WDR7: variants seen among roughly 807,000 people sequenced by gnomAD.
WDR7 encodes the protein WD repeat-containing protein 7.
A neutral mutation model predicts 169.4 loss-of-function variants in WDR7; 46 were observed. The observed-to-expected ratio is 0.27, with a 90% CI of 0.21 to 0.35. The LOEUF (loss-of-function observed/expected upper bound fraction) is 0.35. WDR7 is among the 10% of genes least tolerant of loss of function. The pLI is 1.00. For missense variants in WDR7, 1,534 were observed against 1,859.3 expected (o/e 0.83, Z 3.22); for synonymous variants, 612 against 666.8 (o/e 0.92, Z 1.27).
At chr18:56,793,128 T>C (rs1284042128) in intron 19 of WDR7, among the ~76,000 whole-genome samples, 1 of 152,070 alleles carries the variant, frequency 6.6e-6, no homozygotes, top group Non-Finnish European at 1.5e-5. Context: ...TGTGCTACAT[T>C]AATGTTTGAT....
At chr18:56,702,440 TAAC>T (rs1229590894) in intron 12 of WDR7, among the ~76,000 whole-genome samples, 1 of 152,206 alleles carries the variant, frequency 6.6e-6, no homozygotes, top group Non-Finnish European at 1.5e-5. Flanking sequence ...ACATTTTCCT[TAAC>T]AAACCAGATA....
intron 20 of WDR7, among the ~76,000 whole-genome samples, chr18:56,828,696 T>C (rs1386044896): frequency 6.6e-6 from 1 of 152,166 alleles, no homozygotes; most frequent in Non-Finnish European, 1.5e-5. Context: ...TTGCAAAGGA[T>C]GGTTTGTCAT....
intron 20 of WDR7, among the ~76,000 whole-genome samples, chr18:56,842,330 CG>C (rs1326487423): frequency 1.3e-5 from 1 of 78,422 alleles, no homozygotes; most frequent in Non-Finnish European, 2.8e-5. Flanking sequence ...ATGTAAGGGT[CG>C]GGGGAGGGGG....
chr18:56,737,886 A>C (rs2026735470), intron 14 of WDR7, among the ~76,000 whole-genome samples: 2 of 152,184 alleles, frequency 1.3e-5, no homozygotes, highest in East Asian at 1.9e-4. Flanking sequence ...TTGAAGAATC[A>C]ATTAAATTTG....
intron 1 of WDR7, among the ~76,000 whole-genome samples, chr18:56,666,201 CTTTTT>C (rs71169386): frequency 5.0e-5 from 5 of 100,976 alleles, no homozygotes; most frequent in Non-Finnish European, 7.3e-5. Context: ...ATTCCTTCGT[CTTTTT>C]TTTTTTTTTT....
At chr18:56,734,190 C>T (rs1324258356) in intron 14 of WDR7, among the ~76,000 whole-genome samples, 1 of 151,980 alleles carries the variant, frequency 6.6e-6, no homozygotes, top group East Asian at 1.9e-4. Context: ...GTAGATATAA[C>T]TCATTCTCCT....
intron 21 of WDR7, among the ~76,000 whole-genome samples, chr18:56,889,410 A>G (rs1028534611): frequency 3.9e-5 from 6 of 152,162 alleles, no homozygotes; most frequent in African/African-American, 1.2e-4. Flanking sequence ...TTGACCATTT[A>G]CTGTTTGCCA....
intron 12 of WDR7, among the ~76,000 whole-genome samples, chr18:56,711,082 T>C (rs538515709): frequency 2.6e-5 from 4 of 151,980 alleles, no homozygotes; most frequent in Non-Finnish European, 5.9e-5. Flanking sequence ...CTCCAAGGGT[T>C]ATTAGTGTTT....
rs375226937 is a variant in WDR7, at chr18:56,791,673, T to C, written c.3190+10017T>C. 3.8e-4 allele frequency among the ~76,000 whole-genome samples: 58 copies of C among 152,346 alleles called. 1 individual carries two copies. The South Asian group carries it at 0.011, about 29-fold the overall frequency. On this transcript the variant is annotated intron_variant, in intron 19 of 27. Coordinates refer to ENST00000254442, the MANE Select transcript of WDR7 (RefSeq NM_015285.3). ...ATGGTGCTTTTCATAAAATGTTTAC[T>C]TAGGGTTTAAAGTAACCACATAGTC...
intron 1 of WDR7, among the ~76,000 whole-genome samples, chr18:56,656,390 C>T (rs562892321): frequency 1.3e-5 from 2 of 151,830 alleles, no homozygotes; most frequent in African/African-American, 4.8e-5. Context: ...AGCAATTCTC[C>T]TGCCTCAGCC....
chr18:56,880,316 G>A (rs910675522), intron 21 of WDR7, 151 bp downstream of exon 21: 10 of 694,278 alleles, frequency 1.4e-5, no homozygotes, highest in South Asian at 6.3e-5. Flanking sequence ...CACATTTCCC[G>A]TTAGTTACAG....
intron 25 of WDR7, among the ~76,000 whole-genome samples, chr18:56,955,654 G>GGAT (rs34888311): frequency 0.068 from 10,213 of 150,332 alleles, 428 homozygotes; most frequent in African/African-American, 0.13. Context: ...AGATGCAGAT[G>GGAT]GATGATGATG....
chr18:56,687,443 G>A (rs1598961918), intron 7 of WDR7, among the ~76,000 whole-genome samples: 1 of 152,128 alleles, frequency 6.6e-6, no homozygotes, highest in Non-Finnish European at 1.5e-5. Flanking sequence ...TAGAAAAATA[G>A]CATGTTTTGG....
At chr18:57,024,398 A>G (rs1408053021) in intron 27 of WDR7, among the ~76,000 whole-genome samples, 1 of 152,168 alleles carries the variant, frequency 6.6e-6, no homozygotes, top group Non-Finnish European at 1.5e-5. Context: ...CGTTACTATA[A>G]TACTTCACAT....
At chr18:56,697,079 T>C (rs925743364) in intron 12 of WDR7, among the ~76,000 whole-genome samples, 1 of 152,200 alleles carries the variant, frequency 6.6e-6, no homozygotes. Context: ...TTTTTTTTAT[T>C]GTTTATTAAT....
Position 56,717,405 on chromosome 18 carries a change from A to G in WDR7, c.1579-559A>G, listed in dbSNP as rs531106734. Among the ~76,000 whole-genome samples the G allele has an allele frequency of 1.1e-3, 173 of 152,348 alleles. 1 individual carries two copies. The highest frequency in any genetic ancestry group is 2.1e-3 in the Non-Finnish European group (140 of 68,022). ...GCTACTTGAGGTGATGCATCTGCTG[A>G]CATTATAGATAGAAACCATGAAGGA... On this transcript the variant is annotated intron_variant, in intron 12 of 27. Transcript: ENST00000254442.
intron 20 of WDR7, among the ~76,000 whole-genome samples, chr18:56,839,222 T>C (rs535294155): frequency 1.4e-4 from 22 of 152,232 alleles, no homozygotes; most frequent in African/African-American, 5.3e-4. Context: ...CAAATCAGGG[T>C]CTGCATAAAT....
chr18:56,895,319 A>T (rs1031793695), intron 21 of WDR7, among the ~76,000 whole-genome samples: 1 of 151,934 alleles, frequency 6.6e-6, no homozygotes, highest in Non-Finnish European at 1.5e-5. Context: ...AACTAGTAAG[A>T]CCATAAAAAC....
At chr18:56,938,804 A>T in intron 24 of WDR7, 122 bp downstream of exon 24, 8 of 761,136 alleles carry the variant, frequency 1.1e-5, no homozygotes, top group Admixed American at 3.2e-5. Context: ...AGAGAGAAAG[A>T]ATGAGTGTGT....
Sources: allele counts gnomAD v4.1 joint callset (sites outside exome capture counted in the v4.1 genomes callset), GRCh38; gene constraint gnomAD v4.1.1; transcripts MANE v1.5; gene names NCBI Gene and HGNC (gene_info 2026-07-23, HGNC 2026-07-21).